The following MACROH2A2 variants were observed in gnomAD, a reference collection of about 807,000 sequenced individuals.
The protein encoded by MACROH2A2 is macroH2A.2 histone.
MACROH2A2 carries 6 observed loss-of-function variants against 37.6 expected under a neutral mutation model. That is an observed-to-expected ratio of 0.16 (90% confidence interval 0.09 to 0.32). The LOEUF is 0.32. Among genes scored for constraint, MACROH2A2 ranks in the 10% least tolerant of loss-of-function variants. The pLI, the probability that MACROH2A2 is intolerant of heterozygous loss-of-function variation, is 1.00. For synonymous variants in MACROH2A2, 192 were observed against 202.7 expected, an observed-to-expected ratio of 0.95 and a Z score of 0.45; for missense variants, 290 against 485.9, an observed-to-expected ratio of 0.60 and a Z score of 3.79.
At chr10:70,100,346 T>C in intron 7 of MACROH2A2, 49 bp downstream of exon 7, 1 of 1,014,026 alleles carries the variant, frequency 9.9e-7, no homozygotes, top group Non-Finnish European at 1.5e-6. Context: ...CACCCTCCTC[T>C]CTGGAGTCTC....
intron 8 of MACROH2A2, among the ~76,000 whole-genome samples, chr10:70,110,714 T>G (rs770982103): frequency 6.7e-5 from 10 of 150,220 alleles, no homozygotes; most frequent in Admixed American, 2.0e-4. Context: ...ACAAGACCCA[T>G]CTCTACAAAA....
intron 7 of MACROH2A2, among the ~76,000 whole-genome samples, chr10:70,102,922 C>T (rs1020063062): frequency 1.3e-5 from 2 of 152,090 alleles, no homozygotes; most frequent in Admixed American, 6.5e-5. Context: ...TGCAGCAGCA[C>T]CTGCAGGATG....
Position 70,084,170 on chromosome 10 carries a change from T to G in MACROH2A2, c.173-5890T>G, listed in dbSNP as rs371247364. 2.6e-5 allele frequency among the ~76,000 whole-genome samples: 4 copies of G among 152,174 alleles called. No homozygotes were observed. In the East Asian group the frequency reaches 7.7e-4, roughly 29 times the overall value. ...TTCCAGATTATTGGGTCTCACCACT[T>G]AACACCAAAAATTTTCTTATCTAAT... On this transcript the variant is annotated intron_variant, in intron 2 of 8. Transcript: ENST00000373255.
chr10:70,093,233 G>A (rs1174181345), intron 4 of MACROH2A2, among the ~76,000 whole-genome samples: 1 of 152,182 alleles, frequency 6.6e-6, no homozygotes, highest in Non-Finnish European at 1.5e-5. Context: ...CTCCTTGATT[G>A]TACCAGCCAC....
rs539384907 is a variant in MACROH2A2 at position 70,095,452 on chromosome 10, A to G, written c.589-202A>G. Among the ~76,000 whole-genome samples the G allele has an allele frequency of 1.1e-4, 17 of 152,192 alleles. No homozygotes were observed. In the South Asian group the frequency reaches 3.5e-3, roughly 32 times the overall value. ...ATTTGTTGCATGCTGCCAGCCCCAG[A>G]GTGGAAAGCAAATCCACTGAGCTCA... On this transcript the variant is annotated intron_variant, in intron 5 of 8. Coordinates refer to ENST00000373255, the MANE Select transcript of MACROH2A2 (RefSeq NM_018649.3).
At chr10:70,083,932 A>T (rs1262495731) in intron 2 of MACROH2A2, among the ~76,000 whole-genome samples, 2 of 151,788 alleles carry the variant, frequency 1.3e-5, no homozygotes, top group Non-Finnish European at 2.9e-5. Flanking sequence ...ACAAGCCCCA[A>T]ATTCTGCAGT....
intron 1 of MACROH2A2, among the ~76,000 whole-genome samples, chr10:70,054,111 G>T (rs1045438057): frequency 9.9e-5 from 15 of 152,236 alleles, no homozygotes; most frequent in African/African-American, 3.6e-4. Context: ...AAGGGGCATT[G>T]GTTCCCCAAG....
chr10:70,101,969 T>C (rs2072309663), intron 7 of MACROH2A2, among the ~76,000 whole-genome samples: 1 of 152,228 alleles, frequency 6.6e-6, no homozygotes, highest in African/African-American at 2.4e-5. Context: ...AAACATCTCT[T>C]GTCCAGGATA....
intron 2 of MACROH2A2, among the ~76,000 whole-genome samples, chr10:70,078,365 C>A (rs1043535441): frequency 6.6e-6 from 1 of 152,198 alleles, no homozygotes; most frequent in African/African-American, 2.4e-5. Flanking sequence ...AGTGTCCAGA[C>A]CATCCTGGGC....
chr10:70,057,650 A>C (rs2072025843), intron 1 of MACROH2A2, among the ~76,000 whole-genome samples: 1 of 152,168 alleles, frequency 6.6e-6, no homozygotes, highest in South Asian at 2.1e-4. Flanking sequence ...TACCGTACTA[A>C]TTGTAGCGGT....
At chr10:70,068,047 A>G (rs908818519) in intron 1 of MACROH2A2, among the ~76,000 whole-genome samples, 3 of 152,130 alleles carry the variant, frequency 2.0e-5, no homozygotes, top group Non-Finnish European at 2.9e-5. Flanking sequence ...GTCTCTCTCA[A>G]TGAGACCAAT....
At chr10:70,083,633 C>T (rs1413407126) in intron 2 of MACROH2A2, among the ~76,000 whole-genome samples, 1 of 151,948 alleles carries the variant, frequency 6.6e-6, no homozygotes. Flanking sequence ...GGGTGAGAGA[C>T]AGCAGCCTGC....
At chr10:70,090,249 C>G in intron 3 of MACROH2A2, 83 bp downstream of exon 3, 1 of 839,146 alleles carries the variant, frequency 1.2e-6, no homozygotes, top group Admixed American at 2.0e-5. Context: ...ATGAGTCACT[C>G]CTGCTACAGT....
intron 1 of MACROH2A2, among the ~76,000 whole-genome samples, chr10:70,070,522 C>T (rs772763825): frequency 3.3e-5 from 5 of 152,050 alleles, no homozygotes; most frequent in South Asian, 2.1e-4. Flanking sequence ...GACGGAGTTT[C>T]GCTGTCGTTG....
At chr10:70,082,428 A>G (rs1438708631) in intron 2 of MACROH2A2, among the ~76,000 whole-genome samples, 1 of 151,952 alleles carries the variant, frequency 6.6e-6, no homozygotes, top group Non-Finnish European at 1.5e-5. Flanking sequence ...AAAAAAAAAA[A>G]AAGAAAAAAG....
chr10:70,062,457 A>G (rs1038749455), intron 1 of MACROH2A2, among the ~76,000 whole-genome samples: 1 of 152,270 alleles, frequency 6.6e-6, no homozygotes, highest in Non-Finnish European at 1.5e-5. Context: ...TTTCATGTTC[A>G]TGAAAACAAT....
rs1347156333 is a variant in MACROH2A2 at position 70,053,696 on chromosome 10, C to T, written c.-60+696C>T. Reference sequence around the variant, plus strand: ...CCCGGGGCCGGCGCGGAAGAGGGCGCGAGGCCGGGCACTCCCCTTCGGTTC... The same window carrying T: ...CCCGGGGCCGGCGCGGAAGAGGGCGTGAGGCCGGGCACTCCCCTTCGGTTC... On this transcript the variant is annotated intron_variant, in intron 1 of 8. Coordinates refer to ENST00000373255, the MANE Select transcript of MACROH2A2 (RefSeq NM_018649.3). The surrounding 1 kb of genome is among the most constrained non-coding windows in gnomAD (Gnocchi z 4.8). Among the ~76,000 whole-genome samples the T allele has an allele frequency of 1.3e-5, 2 of 151,382 alleles. No individual in the cohort carries two copies. The highest frequency in any genetic ancestry group is 4.8e-5 in the African/African-American group (2 of 41,314).
At chr10:70,084,723 C>T (rs966589689) in intron 2 of MACROH2A2, among the ~76,000 whole-genome samples, 3 of 152,110 alleles carry the variant, frequency 2.0e-5, no homozygotes, top group East Asian at 1.9e-4. Flanking sequence ...TGCCTTAGCC[C>T]CCTAAGTAGG....
intron 1 of MACROH2A2, among the ~76,000 whole-genome samples, chr10:70,061,907 A>G (rs538922481): frequency 8.5e-5 from 13 of 152,290 alleles, no homozygotes; most frequent in Admixed American, 7.8e-4. Flanking sequence ...ATTATTGACT[A>G]TTCTCATTCA....
Sources: gnomAD v4.1 joint callset for allele counts (sites outside exome capture counted in the v4.1 genomes callset) on GRCh38, gnomAD v4.1.1 for gene constraint, Gnocchi (gnomAD v3.1) non-coding constraint, MANE v1.5 for transcripts, NCBI Gene and HGNC (gene_info 2026-07-23, HGNC 2026-07-21) for gene names.